The following NBPF19 variants were observed in gnomAD, a reference collection of about 807,000 sequenced individuals.
NBPF19 encodes the protein NBPF family member NBPF19.
A neutral mutation model predicts 45.9 loss-of-function variants in NBPF19; 30 were observed. The ratio of observed to expected loss-of-function variants is 0.65; its 90% CI spans 0.49 to 0.89. The LOEUF is 0.89. NBPF19 is among the 40% of genes least tolerant of loss of function. The pLI is 0.00. For missense variants in NBPF19, 495 were observed against 471.8 expected (o/e 1.05, Z -0.46); for synonymous variants, 183 against 181.2 (o/e 1.01, Z -0.08).
rs2087207080 is a variant in NBPF19 at position 149,554,799 on chromosome 1, A to T, written c.*61A>T. 2.5e-6 allele frequency: 4 copies of T among 1,604,350 alleles called. No homozygotes were observed. The highest frequency in any genetic ancestry group is 3.4e-6 in the Non-Finnish European group (4 of 1,173,820). ...AGGCAGGACCTATAGGCACGTGAAGATTTGAATGAAACTACAGTTCCATTT... is the reference window on the plus strand; with the variant it reads ...AGGCAGGACCTATAGGCACGTGAAGTTTTGAATGAAACTACAGTTCCATTT... On this transcript the variant is annotated 3_prime_UTR_variant, in exon 94 of 94. Transcript: ENST00000651566.
At chr1:149,483,624 G>A (rs1168869748) in intron 7 of NBPF19, among the ~76,000 whole-genome samples, 30 of 149,778 alleles carry the variant, frequency 2.0e-4, no homozygotes, top group South Asian at 4.2e-4. Flanking sequence ...TCTTCCTAGC[G>A]TCAATGGTCT....
intron 8 of NBPF19, 148 bp from the exon 9 acceptor site, chr1:149,487,184 G>T (rs2085579648): frequency 1.2e-5 from 9 of 761,688 alleles, no homozygotes; most frequent in Non-Finnish European, 1.9e-5. Context: ...CTCAAGACTT[G>T]ACCTCAGGCC....
chr1:149,493,613 T>C, intron 16 of NBPF19, 47 bp from the exon 17 acceptor site: 1 of 169,610 alleles, frequency 5.9e-6, no homozygotes, highest in Non-Finnish European at 1.0e-5. Flanking sequence ...GTTATGTGTG[T>C]AGGAGAACCA....
chr1:149,521,091 T>C lies in NBPF19; in HGVS notation c.6165-228T>C, dbSNP rs2086711062. Among the ~76,000 whole-genome samples the C allele has an allele frequency of 4.9e-5, 4 of 82,466 alleles. 1 individual carries two copies. The South Asian group carries it at 1.3e-3, about 28-fold the overall frequency. 54.1% of individuals were successfully genotyped at this position (82,466 alleles called of 152,430 possible). A position where few individuals can be genotyped will look rare whatever the true frequency, so the allele number is the denominator to read the frequency against. Reference sequence around the variant, plus strand: ...TTCTCTCTGTCTCTGTCTCTGTCTCTCTCTCTGTCTCTGTCTCTCTCTCTC... The same window carrying C: ...TTCTCTCTGTCTCTGTCTCTGTCTCCCTCTCTGTCTCTGTCTCTCTCTCTC... On this transcript the variant is annotated intron_variant, in intron 51 of 93. Transcript: ENST00000651566.
Position 149,479,097 on chromosome 1 carries a change from A to G in NBPF19, c.493+3A>G. On this transcript the variant is annotated splice_donor_region_variant and intron_variant, in intron 4 of 93. Coordinates refer to ENST00000651566, the MANE Select transcript of NBPF19 (RefSeq NM_001351365.2). Reference sequence around the variant, plus strand: ...CCTTGTCCAAAAGCTCAGCCCAGGTAAGGTGGCCATAGGCCCTGATGACCC... The same window carrying G: ...CCTTGTCCAAAAGCTCAGCCCAGGTGAGGTGGCCATAGGCCCTGATGACCC... 7.9e-6 allele frequency: 12 copies of G among 1,512,012 alleles called. No individual in the cohort carries two copies. Among genetic ancestry groups the G allele is most frequent in the Middle Eastern group, 2.3e-4 (1 of 4,260 alleles). The allele number at this position is 1,512,012 out of a possible 1,614,324, so 93.7% of individuals were successfully genotyped here.
chr1:149,487,980 T>G (rs1480256309), intron 9 of NBPF19, 33 bp from the exon 10 acceptor site: 1 of 692,478 alleles, frequency 1.4e-6, no homozygotes, highest in African/African-American at 1.8e-5. Flanking sequence ...TGATTCCCCC[T>G]GGCTTATTCT....
chr1:149,488,005 T>A lies in NBPF19; in HGVS notation c.1041-8T>A, dbSNP rs1418314558. On this transcript the variant is annotated splice_region_variant and splice_polypyrimidine_tract_variant and intron_variant, in intron 9 of 93. Coordinates refer to ENST00000651566, the MANE Select transcript of NBPF19 (RefSeq NM_001351365.2). ...TGGCTTATTCTTTACTTTTTCCCAC[T>A]TTTCCAGGCTCAGCAGGGAGCTGCT... 20 of 687,560 alleles carry A rather than the reference T, an allele frequency of 2.9e-5. No individual in the cohort carries two copies. Among genetic ancestry groups the A allele is most frequent in the African/African-American group, 5.6e-5 (3 of 53,394 alleles). The allele number at this position is 687,560 out of a possible 1,614,324, so 42.6% of individuals were successfully genotyped here.
rs1468737724 is a variant in NBPF19, at chr1:149,486,839, G to A, written c.989-493G>A. ...CGTCATGTTCCTGGTATGTTTTCTA[G>A]ATAAATGGCTGACTTTTCACCCACA... On this transcript the variant is annotated intron_variant, in intron 8 of 93. Coordinates refer to ENST00000651566, the MANE Select transcript of NBPF19 (RefSeq NM_001351365.2). 6.1e-3 allele frequency among the ~76,000 whole-genome samples: 914 copies of A among 150,454 alleles called. 27 individuals are homozygous for A. Among genetic ancestry groups the A allele is most frequent in the African/African-American group, 0.022 (884 of 40,950 alleles).
chr1:149,487,785 GT>G, intron 9 of NBPF19, among the ~76,000 whole-genome samples: 1 of 142,712 alleles, frequency 7.0e-6, no homozygotes, highest in Admixed American at 7.1e-5. Context: ...CTGTGTGTGT[GT>G]GTGTGTGTGT....
chr1:149,554,832 C>T lies in NBPF19; in HGVS notation c.*94C>T. 1 of 1,588,176 alleles carries T rather than the reference C, an allele frequency of 6.3e-7. No homozygotes were observed. Among genetic ancestry groups the T allele is most frequent in the Non-Finnish European group, 8.6e-7 (1 of 1,162,788 alleles). On this transcript the variant is annotated 3_prime_UTR_variant, in exon 94 of 94. Transcript: ENST00000651566. ...GAAACTACAGTTCCATTTGGAAGCC[C>T]AGACATAGGATGGGTCAGTGGGCAT...
At chr1:149,487,988 T>C in intron 9 of NBPF19, 25 bp from the exon 10 acceptor site, 1 of 691,730 alleles carries the variant, frequency 1.4e-6, no homozygotes, top group Admixed American at 2.1e-5. Context: ...CCTGGCTTAT[T>C]CTTTACTTTT....
chr1:149,554,551 A>G lies in NBPF19; in HGVS notation c.11345A>G (p.Asp3782Gly). The G allele has an allele frequency of 2.5e-6, 4 of 1,608,186 alleles. No individual in the cohort carries two copies. The highest frequency in any genetic ancestry group is 2.2e-5 in the East Asian group (1 of 44,848). ...EEPEVLQDSL[D>G]GCYSTPSMYF... ...CCTGAAGTCTTACAGGACTCACTGG[A>G]TGGATGTTATTCGACTCCGTCAATG... The change falls in exon 94 of 94, where the codon GAT becomes GGT. Residue 3782 changes from aspartate to glycine, a missense_variant. This residue lies in a region of NBPF19 where 248 missense variants were observed against 95.4 expected (regional missense o/e 2.60). Transcript: ENST00000651566.
chr1:149,554,517 G>T lies in NBPF19; in HGVS notation c.11311G>T (p.Val3771Leu), dbSNP rs2087195376. The part of the protein sequence containing the change: ...CPRLNSVLME[V>L]EEPEVLQDSL... Reference sequence around the variant, plus strand: ...CAGGCTCAACAGCGTGCTGATGGAAGTGGAAGAGCCTGAAGTCTTACAGGA... The same window carrying T: ...CAGGCTCAACAGCGTGCTGATGGAATTGGAAGAGCCTGAAGTCTTACAGGA... The change falls in exon 94 of 94, where the codon GTG becomes TTG. Residue 3771 changes from valine (V) to leucine (L), a missense_variant. Coordinates refer to ENST00000651566, the MANE Select transcript of NBPF19 (RefSeq NM_001351365.2). 6.2e-7 allele frequency: 1 copy of T among 1,608,254 alleles called. No individual in the cohort carries two copies. The highest frequency in any genetic ancestry group is 1.1e-5 in the South Asian group (1 of 90,886).
At chr1:149,478,332 A>G (rs1359818849) in intron 3 of NBPF19, among the ~76,000 whole-genome samples, 1 of 151,364 alleles carries the variant, frequency 6.6e-6, no homozygotes, top group African/African-American at 2.4e-5. Context: ...ACCCAGCAGC[A>G]TTCAGTATAA....
Position 149,478,175 on chromosome 1 carries a change from A to G in NBPF19, c.278+128A>G, listed in dbSNP as rs1301975702. 6 of 777,080 alleles carry G rather than the reference A, an allele frequency of 7.7e-6. 1 individual carries two copies. The highest frequency in any genetic ancestry group is 1.5e-5 in the South Asian group (1 of 68,842). 48.1% of individuals were successfully genotyped at this position (777,080 alleles called of 1,614,324 possible). A position where few individuals can be genotyped will look rare whatever the true frequency, so the allele number is the denominator to read the frequency against. The stretch of plus-strand genomic sequence containing the variant: ...GGGCAGAAATTGCCATGACAGGCTC[A>G]TGACACACAAATATTTATCAGTGAA... On this transcript the variant is annotated intron_variant, in intron 3 of 93. Transcript: ENST00000651566.
chr1:149,479,464 TG>T lies in NBPF19; in HGVS notation c.493+371del, dbSNP rs1341446471. 2.7e-5 allele frequency among the ~76,000 whole-genome samples: 4 copies of T among 150,754 alleles called. 1 individual carries two copies. The highest frequency in any genetic ancestry group is 5.9e-5 in the Non-Finnish European group (4 of 67,452). On this transcript the variant is annotated intron_variant, in intron 4 of 93. Coordinates refer to ENST00000651566, the MANE Select transcript of NBPF19 (RefSeq NM_001351365.2). ...TGGCAGTGTTCTTAGTAAGTGTCAGTGAGTGATTTATCTTTTCAGAGTTTCT... is the reference window on the plus strand; with the variant it reads ...TGGCAGTGTTCTTAGTAAGTGTCAGTAGTGATTTATCTTTTCAGAGTTTCT...
At position 149,487,510 on chromosome 1, in the gene NBPF19, C is replaced by T. The variant is rs1218850851; in HGVS notation, c.1040+127C>T. On this transcript the variant is annotated intron_variant, in intron 9 of 93. Coordinates refer to ENST00000651566, the MANE Select transcript of NBPF19 (RefSeq NM_001351365.2). ...AGACAAGTCTGAATTATGCCTAATA[C>T]ATTGCTTTTTTGTTCTCATTAGAGT... 5.0e-6 allele frequency: 5 copies of T among 997,428 alleles called. No homozygotes were observed. In the South Asian group the frequency reaches 5.1e-5, roughly 10 times the overall value. The allele number at this position is 997,428 out of a possible 1,614,324, so 61.8% of individuals were successfully genotyped here.
At chr1:149,476,969 TAAAAA>T (rs2084874354) in intron 2 of NBPF19, among the ~76,000 whole-genome samples, 1 of 150,630 alleles carries the variant, frequency 6.6e-6, no homozygotes, top group Non-Finnish European at 1.5e-5. Flanking sequence ...AAATCAAAAA[TAAAAA>T]TAAAAAGCAG....
chr1:149,554,491 C>G lies in NBPF19; in HGVS notation c.11289-4C>G, dbSNP rs1359971610. The stretch of plus-strand genomic sequence containing the variant: ...TGCTTCTTTAGTTTTGTCTCCTTTT[C>G]CAGGCTCAACAGCGTGCTGATGGAA... On this transcript the variant is annotated splice_polypyrimidine_tract_variant and splice_region_variant and intron_variant, in intron 93 of 93. Transcript: ENST00000651566. The G allele has an allele frequency of 2.5e-6, 4 of 1,607,918 alleles. No homozygotes were observed. Among genetic ancestry groups the G allele is most frequent in the Admixed American group, 1.7e-5 (1 of 59,836 alleles).
Sources: gnomAD v4.1 joint callset for allele counts (sites outside exome capture counted in the v4.1 genomes callset) on GRCh38, gnomAD v4.1.1 for gene constraint, gnomAD v4.1.1 regional missense constraint, MANE v1.5 for transcripts, NCBI Gene and HGNC (gene_info 2026-07-23, HGNC 2026-07-21) for gene names.